The following MGAT1 variants were observed in gnomAD, a reference collection of about 807,000 sequenced individuals.
The protein encoded by MGAT1 is alpha-1,3-mannosyl-glycoprotein 2-beta-N-acetylglucosaminyltransferase, also known as N-glycosyl-oligosaccharide-glycoprotein N-acetylglucosaminyltransferase I.
MGAT1 carries 14 observed loss-of-function variants against 31.7 expected under a neutral mutation model. That is an observed-to-expected ratio of 0.44 (90% confidence interval 0.29 to 0.69). MGAT1 has a LOEUF of 0.69. MGAT1 is among the 30% of genes least tolerant of loss of function. The probability of loss-of-function intolerance (pLI) is 0.12; values close to 1 mark genes in which losing one functional copy is unlikely to be tolerated. For synonymous variants in MGAT1, 338 were observed against 276.0 expected (o/e 1.22, Z -2.23); for missense variants, 557 against 626.0 (o/e 0.89, Z 1.18).
chr5:180,799,917 A>ATT (rs1770360403), intron 1 of MGAT1, among the ~76,000 whole-genome samples: 1 of 152,088 alleles, frequency 6.6e-6, no homozygotes, highest in Non-Finnish European at 1.5e-5. Flanking sequence ...CATGGACAGG[A>ATT]CCCCCATAGG....
Position 180,793,031 on chromosome 5 carries a change from C to T in MGAT1, c.-60G>A, listed in dbSNP as rs112471124. 68 of 1,592,682 alleles carry T rather than the reference C, an allele frequency of 4.3e-5. No homozygotes were observed. The African/African-American group carries it at 7.4e-4, about 17-fold the overall frequency. ...GGTTCAAGGCTGCCCTGGGCTTGCCCGGCTCCCTTGCCCGCAGTCCTAGGG... is the reference window on the plus strand; with the variant it reads ...GGTTCAAGGCTGCCCTGGGCTTGCCTGGCTCCCTTGCCCGCAGTCCTAGGG... On this transcript the variant is annotated 5_prime_UTR_variant, in exon 2 of 2. Transcript: ENST00000307826.
In MGAT1 at chr5:180,792,855, T is replaced by C. The variant is rs115600707; in HGVS notation, c.117A>G (p.Ser39=). The change falls in exon 2 of 2, where the codon TCA becomes TCG. Residue 39 remains serine, a synonymous_variant. Coordinates refer to ENST00000307826, the MANE Select transcript of MGAT1 (RefSeq NM_002406.4). ...WTRPAPGRPP[S]VSALDGDPAS... is the part of the protein sequence containing the mutation. ...CGGGGTCGCCATCGAGAGCGCTGAC[T>C]GAGGGTGGCCTGCCAGGTGCTGGGC... 2.7e-3 allele frequency: 4,240 copies of C among 1,574,610 alleles called. 81 individuals carry two copies. In the African/African-American group the frequency reaches 0.049, roughly 18 times the overall value.
chr5:180,794,480 T>C (rs1768932906), intron 1 of MGAT1, among the ~76,000 whole-genome samples: 1 of 151,230 alleles, frequency 6.6e-6, no homozygotes. Context: ...GGTACATAAA[T>C]AAACAGACCA....
At chr5:180,799,566 G>A (rs756546542) in intron 1 of MGAT1, among the ~76,000 whole-genome samples, 2 of 152,186 alleles carry the variant, frequency 1.3e-5, no homozygotes, top group Non-Finnish European at 2.9e-5. Flanking sequence ...TGACCTCTGT[G>A]CCCACCACAG....
At chr5:180,795,598 G>C (rs955401586) in intron 1 of MGAT1, 2 of 152,164 alleles carry the variant, frequency 1.3e-5, no homozygotes, top group South Asian at 4.1e-4. Flanking sequence ...AGAGCAAATG[G>C]AGCAAAATAT....
chr5:180,812,928 A>G (rs998370508), intron 1 of MGAT1, among the ~76,000 whole-genome samples: 5 of 152,244 alleles, frequency 3.3e-5, no homozygotes, highest in Admixed American at 2.6e-4. Flanking sequence ...GCAGCTAGAA[A>G]TAAGTTTATG....
At chr5:180,797,088 T>C (rs1046137462) in intron 1 of MGAT1, among the ~76,000 whole-genome samples, 2 of 152,096 alleles carry the variant, frequency 1.3e-5, no homozygotes, top group Non-Finnish European at 1.5e-5. Context: ...CTCTATTCAG[T>C]GAAGTGCTGC....
intron 1 of MGAT1, among the ~76,000 whole-genome samples, chr5:180,800,752 A>C (rs1285893965): frequency 2.0e-5 from 3 of 152,204 alleles, no homozygotes; most frequent in African/African-American, 7.2e-5. Context: ...GGAAGTGGAC[A>C]ATGTCAAACT....
chr5:180,811,045 C>G (rs1484952084), intron 1 of MGAT1: 1 of 152,288 alleles, frequency 6.6e-6, no homozygotes, highest in Non-Finnish European at 1.5e-5. Context: ...AGTTTCGAAC[C>G]TGCCCCGCGG....
intron 1 of MGAT1, among the ~76,000 whole-genome samples, chr5:180,800,623 A>G (rs1320384179): frequency 1.3e-5 from 2 of 152,292 alleles, no homozygotes; most frequent in East Asian, 3.9e-4. Context: ...AAGCCAGGTG[A>G]AAGTGTATCC....
At chr5:180,811,624 C>T (rs995240199) in intron 1 of MGAT1, among the ~76,000 whole-genome samples, 1 of 149,350 alleles carries the variant, frequency 6.7e-6, no homozygotes, top group Non-Finnish European at 1.5e-5. Flanking sequence ...TCCACACCCC[C>T]CTTCATCCCT....
chr5:180,794,727 C>T (rs1272672924), intron 1 of MGAT1, among the ~76,000 whole-genome samples: 2 of 152,072 alleles, frequency 1.3e-5, no homozygotes, highest in Non-Finnish European at 2.9e-5. Flanking sequence ...GTGTTTGGAT[C>T]ACAAGGGGGG....
chr5:180,793,022 G>A lies in MGAT1; in HGVS notation c.-51C>T. On this transcript the variant is annotated 5_prime_UTR_variant, in exon 2 of 2. Transcript: ENST00000307826. ...CCAGGGGACGGTTCAAGGCTGCCCT[G>A]GGCTTGCCCGGCTCCCTTGCCCGCA... 6.2e-7 allele frequency: 1 copy of A among 1,601,228 alleles called. No individual in the cohort carries two copies. Among genetic ancestry groups the A allele is most frequent in the Non-Finnish European group, 8.5e-7 (1 of 1,174,996 alleles).
chr5:180,810,994 C>T (rs1389014187), intron 1 of MGAT1: 1 of 152,268 alleles, frequency 6.6e-6, no homozygotes. Context: ...CCCCGGGCTC[C>T]TCGGAAGCAG....
In MGAT1 at chr5:180,792,497, C is replaced by A; in HGVS notation, c.475G>T (p.Val159Phe). Residue 159 changes from valine to phenylalanine, a missense_variant, in exon 2 of 2, where the codon GTC becomes TTC. By Grantham distance (50) the Val-to-Phe change is conservative. Around this residue, in one of 3 missense-constraint regions of MGAT1, gnomAD observed 245 missense variants for 332.9 expected, o/e 0.74. Coordinates refer to ENST00000307826, the MANE Select transcript of MGAT1 (RefSeq NM_002406.4). ...AQAIASYGSA[V>F]THIRQPDLSS... ...AGGTCGGGCTGCCGGATGTGCGTGA[C>A]CGCGCTGCCGTAGGAGGCGATGGCC... 6.2e-7 allele frequency: 1 copy of A among 1,612,814 alleles called. No individual in the cohort carries two copies. Among genetic ancestry groups the A allele is most frequent in the Non-Finnish European group, 8.5e-7 (1 of 1,179,860 alleles).
At chr5:180,810,510 G>C (rs893933614) in intron 1 of MGAT1, 1 of 152,624 alleles carries the variant, frequency 6.6e-6, no homozygotes, top group Non-Finnish European at 1.5e-5. Flanking sequence ...AAGCACGCAT[G>C]CGTCGCGGGG....
chr5:180,806,486 A>G (rs1320271530), upstream of MGAT1, among the ~76,000 whole-genome samples: 4 of 152,160 alleles, frequency 2.6e-5, no homozygotes, highest in African/African-American at 7.2e-5. Context: ...TGCTCACTCT[A>G]AGGAGGAAAC....
In MGAT1 at chr5:180,791,805, C is replaced by T. The variant is rs1384543306; in HGVS notation, c.1167G>A (p.Thr389=). Residue 389 remains threonine, a synonymous_variant, in exon 2 of 2, where the codon ACG becomes ACA. Coordinates refer to ENST00000307826, the MANE Select transcript of MGAT1 (RefSeq NM_002406.4). The part of the protein sequence containing the change: ...KELGEVRVQY[T]GRDSFKAFAK... ...CGAAAGCCTTGAAGCTGTCCCTGCC[C>T]GTATACTGCACCCGCACCTCCCCCA... 1.2e-5 allele frequency: 20 copies of T among 1,614,070 alleles called. No homozygotes were observed. The highest frequency in any genetic ancestry group is 1.6e-4 in the Middle Eastern group (1 of 6,084).
chr5:180,792,206 C>T lies in MGAT1; in HGVS notation c.766G>A (p.Glu256Lys), dbSNP rs1768294360. The T allele has an allele frequency of 7.4e-6, 12 of 1,612,966 alleles. No homozygotes were observed. The highest frequency in any genetic ancestry group is 1.3e-5 in the African/African-American group (1 of 74,928). Reference sequence around the variant, plus strand: ...AAAAAGTCGGTGCGGTAGAGCAGCTCAGGCCTGCTGGCGTCCACCATCTGC... The same window carrying T: ...AAAAAGTCGGTGCGGTAGAGCAGCTTAGGCCTGCTGGCGTCCACCATCTGC... Reference protein sequence around the residue: ...KEQMVDASRPELLYRTDFFPG... With the variant: ...KEQMVDASRPKLLYRTDFFPG... Residue 256 changes from glutamate (E) to lysine (K), a missense_variant, in exon 2 of 2, where the codon GAG becomes AAG. Around this residue, in one of 3 missense-constraint regions of MGAT1, gnomAD observed 245 missense variants for 332.9 expected, o/e 0.74. Coordinates refer to ENST00000307826, the MANE Select transcript of MGAT1 (RefSeq NM_002406.4).
Sources: allele counts gnomAD v4.1 joint callset (sites outside exome capture counted in the v4.1 genomes callset), GRCh38; gene constraint gnomAD v4.1.1; regional missense constraint gnomAD v4.1.1; transcripts MANE v1.5; gene names NCBI Gene and HGNC (gene_info 2026-07-23, HGNC 2026-07-21).